Variants in GPC6 observed in about 807,000 individuals in gnomAD.
The protein encoded by GPC6 is glypican-6.
In GPC6, 14 loss-of-function variants were observed where a neutral mutation model predicts 55.2. The observed-to-expected ratio is 0.25, with a 90% CI of 0.17 to 0.40. GPC6 has a LOEUF of 0.40. GPC6 is among the 10% of genes least tolerant of loss of function. The pLI is 1.00. For missense variants in GPC6, 641 were observed against 708.5 expected (o/e 0.90, Z 1.08); for synonymous variants, 278 against 259.6 (o/e 1.07, Z -0.68).
chr13:93,224,469 T>C (rs1055632295), upstream of GPC6, among the ~76,000 whole-genome samples: 9 of 151,964 alleles, frequency 5.9e-5, no homozygotes, highest in African/African-American at 1.7e-4. Flanking sequence ...GCTGGGATTA[T>C]AGGCATGAGC....
intron 1 of GPC6, among the ~76,000 whole-genome samples, chr13:93,523,915 C>G (rs546115395): frequency 6.6e-6 from 1 of 151,944 alleles, no homozygotes; most frequent in African/African-American, 2.4e-5. Flanking sequence ...GGATGCAGAC[C>G]AGTGTGAGTC....
intron 3 of GPC6, among the ~76,000 whole-genome samples, chr13:94,015,511 T>C (rs1453860545): frequency 6.6e-6 from 1 of 152,174 alleles, no homozygotes; most frequent in Non-Finnish European, 1.5e-5. Flanking sequence ...TACACAAAAG[T>C]TTTCATTTTT....
intron 4 of GPC6, among the ~76,000 whole-genome samples, chr13:94,068,706 C>T (rs1032889282): frequency 6.6e-6 from 1 of 152,094 alleles, no homozygotes; most frequent in African/African-American, 2.4e-5. Context: ...GGCTACAGGC[C>T]CCTTGAAGTC....
chr13:93,618,779 A>G (rs1462267089), intron 2 of GPC6, among the ~76,000 whole-genome samples: 1 of 152,202 alleles, frequency 6.6e-6, no homozygotes, highest in Non-Finnish European at 1.5e-5. Context: ...ATTAAGGTAT[A>G]CAAGGATTTA....
intron 1 of GPC6, among the ~76,000 whole-genome samples, chr13:93,375,219 A>G (rs556326927): frequency 1.8e-4 from 28 of 152,312 alleles, no homozygotes; most frequent in Middle Eastern, 3.4e-3. Flanking sequence ...TATTTTTGGA[A>G]CTCATAAGAC....
chr13:93,957,694 A>G (rs780523620), intron 3 of GPC6, among the ~76,000 whole-genome samples: 4 of 152,138 alleles, frequency 2.6e-5, no homozygotes, highest in Non-Finnish European at 4.4e-5. Flanking sequence ...TATGAGTGCA[A>G]TATGTTTTTG....
intron 1 of GPC6, among the ~76,000 whole-genome samples, chr13:93,394,051 C>G (rs771844695): frequency 6.6e-6 from 1 of 152,286 alleles, no homozygotes; most frequent in East Asian, 1.9e-4. Flanking sequence ...GTCATGTTCT[C>G]CTGAATGGAA....
chr13:93,366,509 A>G (rs1881255126), intron 1 of GPC6, among the ~76,000 whole-genome samples: 1 of 152,102 alleles, frequency 6.6e-6, no homozygotes, highest in Non-Finnish European at 1.5e-5. Context: ...AGTTATGACG[A>G]TATTAAATTA....
In GPC6 at chr13:93,830,448, G is replaced by A. The variant is rs143089233; in HGVS notation, c.614G>A (p.Arg205Gln). 5 of 1,613,660 alleles carry A rather than the reference G, an allele frequency of 3.1e-6. No individual in the cohort carries two copies. The highest frequency in any genetic ancestry group is 3.3e-5 in the Admixed American group (2 of 59,980). The change falls in exon 3 of 9, where the codon CGG becomes CAG. Residue 205 changes from arginine to glutamine, a missense_variant. Transcript: ENST00000377047. ...CTCAAGCCATTTGGAGACGTGCCCC[G>A]GAAACTGAAGATTCAGGTTACCCGC... ...DQLKPFGDVP[R>Q]KLKIQVTRAF...
chr13:93,696,780 G>A (rs1302372642), intron 2 of GPC6, among the ~76,000 whole-genome samples: 3 of 151,590 alleles, frequency 2.0e-5, no homozygotes, highest in Admixed American at 6.6e-5. Context: ...CCACCACTAC[G>A]CCCAGCTACT....
chr13:93,586,665 G>T (rs1877215381), intron 2 of GPC6, among the ~76,000 whole-genome samples: 1 of 152,066 alleles, frequency 6.6e-6, no homozygotes, highest in Non-Finnish European at 1.5e-5. Context: ...TAAAAACCCT[G>T]GGAGACAACC....
chr13:93,811,565 C>G (rs534215537), intron 2 of GPC6, among the ~76,000 whole-genome samples: 1 of 150,786 alleles, frequency 6.6e-6, no homozygotes, highest in South Asian at 2.1e-4. Context: ...GTAGACATTC[C>G]CCACAAGCTT....
At position 94,398,579 on chromosome 13, in the gene GPC6, G is replaced by A. The variant is rs764440422; in HGVS notation, c.1403G>A (p.Arg468His). Residue 468 changes from arginine to histidine, a missense_variant, in exon 8 of 9, where the codon CGT becomes CAT. Physicochemically the swap from Arg to His is conservative, Grantham distance 29. Transcript: ENST00000377047. ...ATCAGACAGCAGATTATGGCTCTCCGTGTGATGACCAACAAACTAAAAAAC... is the reference window on the plus strand; with the variant it reads ...ATCAGACAGCAGATTATGGCTCTCCATGTGATGACCAACAAACTAAAAAAC... ...TFIRQQIMAL[R>H]VMTNKLKNAY... 5.3e-5 allele frequency: 85 copies of A among 1,613,886 alleles called. No individual in the cohort carries two copies. The highest frequency in any genetic ancestry group is 1.3e-4 in the Admixed American group (8 of 59,996).
intron 2 of GPC6, among the ~76,000 whole-genome samples, chr13:93,661,970 A>G (rs1880939700): frequency 6.6e-6 from 1 of 152,138 alleles, no homozygotes; most frequent in South Asian, 2.1e-4. Flanking sequence ...CTAGTTACTA[A>G]GCTTAAACTT....
intron 1 of GPC6, among the ~76,000 whole-genome samples, chr13:93,475,758 T>G (rs1245638999): frequency 6.6e-6 from 1 of 152,208 alleles, no homozygotes; most frequent in East Asian, 1.9e-4. Flanking sequence ...TTACTAGAAG[T>G]GCACTTCTTT....
chr13:93,563,842 G>A (rs754133651), intron 2 of GPC6, among the ~76,000 whole-genome samples: 37 of 151,660 alleles, frequency 2.4e-4, no homozygotes, highest in Non-Finnish European at 4.4e-4. Flanking sequence ...TCTGTAGCAT[G>A]GATAGACTTG....
At chr13:93,398,417 T>TG (rs1875944607) in intron 1 of GPC6, among the ~76,000 whole-genome samples, 1 of 152,152 alleles carries the variant, frequency 6.6e-6, no homozygotes, top group Non-Finnish European at 1.5e-5. Flanking sequence ...AAACTCCACT[T>TG]GTCTTTTCAG....
intron 1 of GPC6, among the ~76,000 whole-genome samples, chr13:93,363,450 C>T (rs1284895650): frequency 6.6e-6 from 1 of 152,126 alleles, no homozygotes; most frequent in African/African-American, 2.4e-5. Context: ...CATGTTCCTA[C>T]AAAAGACATG....
At chr13:94,023,667 T>C (rs1882788180) in intron 3 of GPC6, among the ~76,000 whole-genome samples, 1 of 152,056 alleles carries the variant, frequency 6.6e-6, no homozygotes, top group South Asian at 2.1e-4. Context: ...CTACAAAAAC[T>C]TGTACATAAA....
Sources: allele counts gnomAD v4.1 joint callset (sites outside exome capture counted in the v4.1 genomes callset), GRCh38; gene constraint gnomAD v4.1.1; transcripts MANE v1.5; gene names NCBI Gene and HGNC (gene_info 2026-07-23, HGNC 2026-07-21).